The following SNAPC4 variants were observed in gnomAD, a reference collection of about 807,000 sequenced individuals.
SNAPC4 encodes the protein snRNA-activating protein complex subunit 4.
Under a neutral mutation model 151.3 loss-of-function variants are expected in SNAPC4, and 127 were observed. The observed-to-expected ratio is 0.84, with a 90% CI of 0.73 to 0.97. SNAPC4 has a LOEUF of 0.97. Among genes scored for constraint, SNAPC4 ranks in the 50% least tolerant of loss-of-function variants. The pLI is 0.00. For missense variants in SNAPC4, 2,186 were observed against 1,935.0 expected, an observed-to-expected ratio of 1.13 and a Z score of -2.43; for synonymous variants, 1,002 against 824.4, an observed-to-expected ratio of 1.22 and a Z score of -3.69.
At position 136,395,584 on chromosome 9, in the gene SNAPC4, G is replaced by C; in HGVS notation, c.345+19C>G. ...GGGGTGGGGAGGTGTGGGCACCGGG[G>C]GGCCGAGGCCCATCCCACCTGCTGC... On this transcript the variant is annotated intron_variant, in intron 4 of 23. Transcript: ENST00000684778. The C allele has an allele frequency of 6.2e-7, 1 of 1,600,470 alleles. No individual in the cohort carries two copies. The highest frequency in any genetic ancestry group is 2.2e-5 in the East Asian group (1 of 44,674).
In SNAPC4 at chr9:136,395,768, T is replaced by C; in HGVS notation, c.180A>G (p.Glu60=). 2.5e-6 allele frequency: 4 copies of C among 1,609,182 alleles called. No homozygotes were observed. The highest frequency in any genetic ancestry group is 2.5e-6 in the Non-Finnish European group (3 of 1,176,708). Residue 60 remains glutamate (E), a splice_region_variant and synonymous_variant, in exon 4 of 24, where the codon GAA becomes GAG. Coordinates refer to ENST00000684778, the MANE Select transcript of SNAPC4 (RefSeq NM_003086.4). ...TGCTGGCTTCGCCCCACCTTTCTTC[T>C]TCCTGGTAACGAGCCAGAAATGGCA... is the stretch of plus-strand genomic sequence containing the variant. The part of the protein sequence containing the change: ...DLDPADPPIS[E]EERWGEASND...
chr9:136,385,613 T>A (rs1833864723), intron 13 of SNAPC4, among the ~76,000 whole-genome samples: 1 of 151,568 alleles, frequency 6.6e-6, no homozygotes, highest in African/African-American at 2.4e-5. Context: ...TGGAGTGCAG[T>A]GGCGCAATCT....
chr9:136,377,812 G>A lies in SNAPC4; in HGVS notation c.4015C>T (p.Arg1339Trp), dbSNP rs781215191. Residue 1339 changes from arginine (R) to tryptophan (W), a missense_variant, in exon 22 of 24, where the codon CGG (arginine) becomes TGG (tryptophan). Coordinates refer to ENST00000684778, the MANE Select transcript of SNAPC4 (RefSeq NM_003086.4). ...TSLVVGGEAE[R>W]PAGALQASLG... ...GAGGCTTGCAGTGCTCCGGCCGGCCGCTCAGCCTCGCCCCCCACCACCAGG... is the reference window on the plus strand; with the variant it reads ...GAGGCTTGCAGTGCTCCGGCCGGCCACTCAGCCTCGCCCCCCACCACCAGG... 22 of 1,611,220 alleles carry A rather than the reference G, an allele frequency of 1.4e-5. No individual in the cohort carries two copies. The highest frequency in any genetic ancestry group is 1.2e-4 in the Admixed American group (7 of 59,972).
intron 2 of SNAPC4, among the ~76,000 whole-genome samples, chr9:136,397,717 G>C: frequency 7.5e-6 from 1 of 133,410 alleles, no homozygotes; most frequent in African/African-American, 2.9e-5. Flanking sequence ...TGGGGAGCAC[G>C]TGGGGAGGAG....
rs764880565 is a variant in SNAPC4, at chr9:136,379,793, C to T, written c.2527+44G>A. 13 of 1,600,194 alleles carry T rather than the reference C, an allele frequency of 8.1e-6. No individual in the cohort carries two copies. In the East Asian group the frequency reaches 2.7e-4, roughly 33 times the overall value. On this transcript the variant is annotated intron_variant, in intron 21 of 23. Transcript: ENST00000684778. ...AGGTTAGGCCTCTTCCCCGCCAGGG[C>T]CAGGTTAGGTCTCTTCCCCACCAGG...
At chr9:136,394,437 G>A (rs1018114084) in intron 6 of SNAPC4, 107 bp from the exon 7 acceptor site, 7 of 946,472 alleles carry the variant, frequency 7.4e-6, no homozygotes, top group South Asian at 3.9e-5. Flanking sequence ...GCCCCACAGC[G>A]AGTAAGCAGC....
chr9:136,387,215 G>A lies in SNAPC4; in HGVS notation c.1325+270C>T, dbSNP rs145383603. On this transcript the variant is annotated intron_variant, in intron 13 of 23. Coordinates refer to ENST00000684778, the MANE Select transcript of SNAPC4 (RefSeq NM_003086.4). The stretch of plus-strand genomic sequence containing the variant: ...GAGACAACTAGGGTCAGGAAAAGCC[G>A]CCCAGGGAGCTGTCTCAAGTGGAGC... 6.6e-3 allele frequency among the ~76,000 whole-genome samples: 1,000 copies of A among 152,336 alleles called. 10 individuals are homozygous for A. Among genetic ancestry groups the A allele is most frequent in the South Asian group, 0.031 (148 of 4,832 alleles).
rs374256783 is a variant in SNAPC4 at position 136,381,396 on chromosome 9, C to G, written c.2318-4G>C. 6.2e-7 allele frequency: 1 copy of G among 1,611,690 alleles called. No homozygotes were observed. Among genetic ancestry groups the G allele is most frequent in the Non-Finnish European group, 8.5e-7 (1 of 1,178,980 alleles). ...AGCTGCTCCCTGAGGCCATCCGCTG[C>G]GGGCACAGGGGGATAAGTGGAAAGC... On this transcript the variant is annotated splice_polypyrimidine_tract_variant and splice_region_variant and intron_variant, in intron 18 of 23. Transcript: ENST00000684778.
chr9:136,381,817 G>A lies in SNAPC4; in HGVS notation c.2317+7C>T, dbSNP rs760875433. 1.9e-6 allele frequency: 3 copies of A among 1,609,970 alleles called. No individual in the cohort carries two copies. The highest frequency in any genetic ancestry group is 2.5e-6 in the Non-Finnish European group (3 of 1,178,814). ...CAGGATGCTCCCAGAGGAGCCCCAG[G>A]CCATACCTTGAGTCTGCACTACGGC... On this transcript the variant is annotated splice_region_variant and intron_variant, in intron 18 of 23. Transcript: ENST00000684778.
intron 16 of SNAPC4, 39 bp from the exon 17 acceptor site, chr9:136,382,375 T>C (rs1335464351): frequency 8.9e-6 from 14 of 1,570,740 alleles, no homozygotes; most frequent in Non-Finnish European, 1.2e-5. Flanking sequence ...ACGCGGGGTG[T>C]ACGGGACACA....
At chr9:136,379,419 G>T in intron 21 of SNAPC4, 120 bp from the exon 22 acceptor site, 1 of 1,470,096 alleles carries the variant, frequency 6.8e-7, no homozygotes. Flanking sequence ...TGAGCCAAGA[G>T]AGGGTCAAGC....
chr9:136,392,600 G>A lies in SNAPC4; in HGVS notation c.738-6C>T, dbSNP rs1442204415. 6.2e-7 allele frequency: 1 copy of A among 1,613,750 alleles called. No homozygotes were observed. Among genetic ancestry groups the A allele is most frequent in the Non-Finnish European group, 8.5e-7 (1 of 1,180,020 alleles). ...AGGCCTCTTCTGGAAGCTGGCTGGT[G>A]GAAGGGATGAGGGTATTGGCACCAC... is the stretch of plus-strand genomic sequence containing the variant. On this transcript the variant is annotated splice_polypyrimidine_tract_variant and splice_region_variant and intron_variant, in intron 8 of 23. Coordinates refer to ENST00000684778, the MANE Select transcript of SNAPC4 (RefSeq NM_003086.4).
chr9:136,386,799 C>G (rs1469919840), intron 13 of SNAPC4, among the ~76,000 whole-genome samples: 2 of 151,902 alleles, frequency 1.3e-5, no homozygotes, highest in Non-Finnish European at 2.9e-5. Flanking sequence ...GTCACCCAGG[C>G]TGGAGTGCTG....
In SNAPC4 at chr9:136,376,239, A is replaced by AC. The variant is rs1049675040; in HGVS notation, c.*7+109dup. On this transcript the variant is annotated intron_variant, in intron 23 of 23. Coordinates refer to ENST00000684778, the MANE Select transcript of SNAPC4 (RefSeq NM_003086.4). ...CCTGGACCTGCCCACCTAACCCAGC[A>AC]CACCTGCTGTGAGCGCCAAAGAGCC... The AC allele has an allele frequency of 1.2e-4, 155 of 1,334,812 alleles. No homozygotes were observed. The African/African-American group carries it at 2.0e-3, about 17-fold the overall frequency. The allele number at this position is 1,334,812 out of a possible 1,614,324, so 82.7% of individuals were successfully genotyped here.
At chr9:136,392,996 C>T (rs1413425666) in intron 7 of SNAPC4, among the ~76,000 whole-genome samples, 1 of 152,204 alleles carries the variant, frequency 6.6e-6, no homozygotes, top group African/African-American at 2.4e-5. Context: ...GACACAGAGG[C>T]TACCGCCTGC....
At chr9:136,385,610 C>T (rs548505611) in intron 13 of SNAPC4, among the ~76,000 whole-genome samples, 2 of 151,922 alleles carry the variant, frequency 1.3e-5, no homozygotes, top group East Asian at 1.9e-4. Context: ...GGCTGGAGTG[C>T]AGTGGCGCAA....
At position 136,383,269 on chromosome 9, in the gene SNAPC4, CCCTGGCAGGGA is replaced by C; in HGVS notation, c.1889_1899del (p.Val630GlyfsTer76). The C allele has an allele frequency of 1.9e-6, 3 of 1,611,254 alleles. No individual in the cohort carries two copies. The highest frequency in any genetic ancestry group is 2.5e-6 in the Non-Finnish European group (3 of 1,179,164). On this transcript the variant is annotated frameshift_variant, in exon 16 of 24. Transcript: ENST00000684778. LOFTEE classifies it high-confidence loss of function. This position sits in a 1 kb window ranked among gnomAD's most constrained non-coding sequence, Gnocchi z 4.2. ...GCAGACCTCGGGACAGGGCCGTGGG[CCCTGGCAGGGA>C]CCTGCACCGGACTCGTCTCCTCTCC...
chr9:136,376,935 G>A (rs893456389), intron 22 of SNAPC4, among the ~76,000 whole-genome samples: 2 of 152,210 alleles, frequency 1.3e-5, no homozygotes, highest in Admixed American at 6.5e-5. Flanking sequence ...GAGGCTGCCT[G>A]CTTCTGGTGG....
intron 19 of SNAPC4, 36 bp downstream of exon 19, chr9:136,381,286 G>C: frequency 2.6e-6 from 4 of 1,566,240 alleles, no homozygotes; most frequent in Non-Finnish European, 3.5e-6. Flanking sequence ...CTTTTTACAA[G>C]GCAAAGGAAA....
Sources: allele counts gnomAD v4.1 joint callset (sites outside exome capture counted in the v4.1 genomes callset), GRCh38; gene constraint gnomAD v4.1.1; non-coding constraint Gnocchi (gnomAD v3.1); transcripts MANE v1.5; gene names NCBI Gene and HGNC (gene_info 2026-07-23, HGNC 2026-07-21).